The following ATP6V0A2 variants were observed in gnomAD, a reference collection of about 807,000 sequenced individuals.
ATP6V0A2 encodes the protein V-type proton ATPase 116 kDa subunit a 2.
Under a neutral mutation model 104.4 loss-of-function variants are expected in ATP6V0A2, and 58 were observed. The observed-to-expected ratio is 0.56, with a 90% CI of 0.45 to 0.69. The LOEUF (loss-of-function observed/expected upper bound fraction) is 0.69, where lower values mean the gene tolerates loss of function less well. Ranked by LOEUF, ATP6V0A2 falls within the 30% of genes least tolerant of loss-of-function variation. The pLI, the probability that ATP6V0A2 is intolerant of heterozygous loss-of-function variation, is 0.00. For missense variants in ATP6V0A2, 938 were observed against 1,062.9 expected, an observed-to-expected ratio of 0.88 and a Z score of 1.63; for synonymous variants, 376 against 397.9, an observed-to-expected ratio of 0.95 and a Z score of 0.65.
At chr12:123,751,067 G>T (rs948886958) in intron 15 of ATP6V0A2, 43 bp from the exon 16 acceptor site, 1 of 1,613,558 alleles carries the variant, frequency 6.2e-7, no homozygotes, top group Admixed American at 1.7e-5. Context: ...CTGCAGGCAG[G>T]CCTTCACGTT....
At chr12:123,724,957 C>T (rs547279429) in intron 4 of ATP6V0A2, among the ~76,000 whole-genome samples, 166 bp downstream of exon 4, 7 of 151,930 alleles carry the variant, frequency 4.6e-5, no homozygotes, top group Non-Finnish European at 1.0e-4. Context: ...GTTTTTGAGA[C>T]GGAATTTTGC....
chr12:123,731,000 C>G (rs1956496909), intron 6 of ATP6V0A2: 1 of 152,224 alleles, frequency 6.6e-6, no homozygotes, highest in African/African-American at 2.4e-5. Flanking sequence ...GCCACCATGC[C>G]TGGCCTCTTA....
At chr12:123,745,722 A>G (rs1956656023) in intron 13 of ATP6V0A2, among the ~76,000 whole-genome samples, 1 of 151,464 alleles carries the variant, frequency 6.6e-6, no homozygotes. Flanking sequence ...AAAAAAAAAA[A>G]AGAAAATGGA....
At chr12:123,728,457 C>A (rs1956469206) in intron 6 of ATP6V0A2, among the ~76,000 whole-genome samples, 1 of 150,468 alleles carries the variant, frequency 6.6e-6, no homozygotes, top group Non-Finnish European at 1.5e-5. Flanking sequence ...ACTATGCTGC[C>A]CAGACTGGTC....
intron 13 of ATP6V0A2, among the ~76,000 whole-genome samples, chr12:123,745,751 C>G (rs1429830861): frequency 9.9e-5 from 15 of 151,382 alleles, no homozygotes; most frequent in Admixed American, 9.9e-4. Flanking sequence ...CCCAGGGTGC[C>G]AGGACCCCCA....
intron 15 of ATP6V0A2, among the ~76,000 whole-genome samples, chr12:123,749,574 CAG>C (rs1308712832): frequency 6.6e-6 from 1 of 152,246 alleles, no homozygotes; most frequent in East Asian, 1.9e-4. Context: ...GGACTAAAAA[CAG>C]GAGCTGGTTC....
At chr12:123,739,191 C>T (rs1956584923) in intron 9 of ATP6V0A2, among the ~76,000 whole-genome samples, 1 of 152,184 alleles carries the variant, frequency 6.6e-6, no homozygotes, top group Non-Finnish European at 1.5e-5. Flanking sequence ...GTCTCAGTGA[C>T]CACATGTCCA....
At chr12:123,714,855 G>A (rs1956325149) in intron 1 of ATP6V0A2, among the ~76,000 whole-genome samples, 3 of 152,200 alleles carry the variant, frequency 2.0e-5, no homozygotes, top group Non-Finnish European at 1.5e-5. Context: ...GCCAAGGCGG[G>A]CAGATCACAA....
intron 14 of ATP6V0A2, 108 bp downstream of exon 14, chr12:123,747,833 G>C: frequency 1.4e-6 from 1 of 727,826 alleles, no homozygotes; most frequent in East Asian, 2.5e-5. Context: ...CAGCCAATAT[G>C]ATGTTGTATT....
intron 9 of ATP6V0A2, among the ~76,000 whole-genome samples, chr12:123,742,434 G>A (rs909424424): frequency 6.6e-6 from 1 of 152,174 alleles, no homozygotes; most frequent in Non-Finnish European, 1.5e-5. Flanking sequence ...GTAGGCTTTA[G>A]GTCTTGCTAG....
chr12:123,744,527 G>C lies in ATP6V0A2; in HGVS notation c.1327-70G>C, dbSNP rs1018880025. The C allele has an allele frequency of 6.3e-7, 1 of 1,591,334 alleles. No homozygotes were observed. The highest frequency in any genetic ancestry group is 8.6e-7 in the Non-Finnish European group (1 of 1,162,934). ...CTGAGAAGTGAGTGGTGAGGGTCGT[G>C]CCCACACCGACAGCTGTCACATGGA... is the stretch of plus-strand genomic sequence containing the variant. On this transcript the variant is annotated intron_variant, in intron 11 of 19. Coordinates refer to ENST00000330342, the MANE Select transcript of ATP6V0A2 (RefSeq NM_012463.4). This position sits in a 1 kb window ranked among gnomAD's most constrained non-coding sequence, Gnocchi z 5.4.
chr12:123,724,417 A>G (rs1280051823), intron 3 of ATP6V0A2: 2 of 414,168 alleles, frequency 4.8e-6, no homozygotes, highest in Admixed American at 3.6e-5. Context: ...AGTCCCAGCT[A>G]CTCGGGGAGG....
rs564701187 is a variant in ATP6V0A2, at chr12:123,754,795, T to A, written c.2293+258T>A. Reference sequence around the variant, plus strand: ...GAGCCTGCCCAATTTAAAAAAAAAATCACTGAGACACAAGGGGCTTTGAGA... The same window carrying A: ...GAGCCTGCCCAATTTAAAAAAAAAAACACTGAGACACAAGGGGCTTTGAGA... On this transcript the variant is annotated intron_variant, in intron 18 of 19. Transcript: ENST00000330342. The A allele has an allele frequency of 5.9e-6, 3 of 505,266 alleles. No homozygotes were observed. The East Asian group carries it at 9.9e-5, about 17-fold the overall frequency. 31.3% of individuals were successfully genotyped at this position (505,266 alleles called of 1,614,324 possible).
At chr12:123,745,914 G>A (rs994698063) in intron 13 of ATP6V0A2, among the ~76,000 whole-genome samples, 4 of 152,136 alleles carry the variant, frequency 2.6e-5, no homozygotes, top group African/African-American at 4.8e-5. Flanking sequence ...GTGTACAGTC[G>A]TTAAACTGAG....
chr12:123,733,863 CT>C, intron 6 of ATP6V0A2, 62 bp from the exon 7 acceptor site: 1 of 1,168,036 alleles, frequency 8.6e-7, no homozygotes, highest in Non-Finnish European at 1.3e-6. Flanking sequence ...AGTGTTTGAG[CT>C]GCCGAAGTTC....
At chr12:123,719,612 C>T (rs1956378679) in intron 2 of ATP6V0A2, among the ~76,000 whole-genome samples, 1 of 151,636 alleles carries the variant, frequency 6.6e-6, no homozygotes, top group Non-Finnish European at 1.5e-5. Context: ...GTCTTGAACT[C>T]CTTGTTAGGG....
chr12:123,717,259 G>A (rs557884551), intron 1 of ATP6V0A2, among the ~76,000 whole-genome samples: 2 of 143,850 alleles, frequency 1.4e-5, no homozygotes, highest in African/African-American at 5.3e-5. Context: ...AGGTTGCAGT[G>A]AGCCAAGATA....
intron 17 of ATP6V0A2, among the ~76,000 whole-genome samples, chr12:123,752,812 A>T (rs1288846446): frequency 6.6e-6 from 1 of 152,118 alleles, no homozygotes; most frequent in Non-Finnish European, 1.5e-5. Context: ...GTTTCAGGAT[A>T]ATTACAGTTT....
rs1024455951 is a variant in ATP6V0A2 at position 123,744,117 on chromosome 12, A to T, written c.1190-84A>T. On this transcript the variant is annotated intron_variant, in intron 10 of 19. Coordinates refer to ENST00000330342, the MANE Select transcript of ATP6V0A2 (RefSeq NM_012463.4). This position sits in a 1 kb window ranked among gnomAD's most constrained non-coding sequence, Gnocchi z 5.4. ...CTTGTGAATTCTGGAGAAAGTCAAG[A>T]TTGTTATGTATCATTGTGTTTGAAT... is the stretch of plus-strand genomic sequence containing the variant. 1.5e-5 allele frequency: 24 copies of T among 1,577,182 alleles called. No individual in the cohort carries two copies. In the African/African-American group the frequency reaches 3.1e-4, roughly 20 times the overall value.
Sources: allele counts gnomAD v4.1 joint callset (sites outside exome capture counted in the v4.1 genomes callset), GRCh38; gene constraint gnomAD v4.1.1; non-coding constraint Gnocchi (gnomAD v3.1); transcripts MANE v1.5; gene names NCBI Gene and HGNC (gene_info 2026-07-23, HGNC 2026-07-21).